ADGRL2: variants seen among roughly 807,000 people sequenced by gnomAD.
ADGRL2 encodes adhesion G protein-coupled receptor L2.
Under a neutral mutation model 157.4 loss-of-function variants are expected in ADGRL2, and 44 were observed. That is an observed-to-expected ratio of 0.28 (90% CI 0.22 to 0.36). ADGRL2 has a LOEUF of 0.36. ADGRL2 is among the 10% of genes least tolerant of loss of function. The pLI is 1.00. For synonymous variants in ADGRL2, 585 were observed against 624.7 expected (o/e 0.94, Z 0.95); for missense variants, 1,510 against 1,768.9 (o/e 0.85, Z 2.63).
At chr1:81,845,076 A>T (rs2092733177) in intron 2 of ADGRL2, among the ~76,000 whole-genome samples, 2 of 152,142 alleles carry the variant, frequency 1.3e-5, no homozygotes, top group Non-Finnish European at 2.9e-5. Context: ...ATAAAGCCAA[A>T]TTATGTATAA....
intron 2 of ADGRL2, among the ~76,000 whole-genome samples, chr1:81,892,344 T>C (rs890656217): frequency 6.6e-6 from 1 of 152,126 alleles, no homozygotes; most frequent in Non-Finnish European, 1.5e-5. Flanking sequence ...TAAATTAATA[T>C]CTTAGGGGGA....
At chr1:81,792,696 C>T (rs1299633471) in intron 2 of ADGRL2, among the ~76,000 whole-genome samples, 1 of 151,974 alleles carries the variant, frequency 6.6e-6, no homozygotes, top group Admixed American at 6.6e-5. Context: ...AACATATACA[C>T]ATATGCTTAT....
At chr1:81,371,203 C>G (rs983103258) in intron 1 of ADGRL2, among the ~76,000 whole-genome samples, 1 of 152,176 alleles carries the variant, frequency 6.6e-6, no homozygotes, top group African/African-American at 2.4e-5. Context: ...CCTCACCCTT[C>G]TTATGCCTGT....
chr1:81,785,940 C>T (rs973965371), intron 2 of ADGRL2, among the ~76,000 whole-genome samples: 1 of 151,110 alleles, frequency 6.6e-6, no homozygotes, highest in African/African-American at 2.4e-5. Flanking sequence ...GACTCTGTCT[C>T]TACAGAAAAA....
intron 2 of ADGRL2, among the ~76,000 whole-genome samples, chr1:81,531,589 C>T (rs947408710): frequency 1.8e-4 from 28 of 152,164 alleles, no homozygotes; most frequent in African/African-American, 6.3e-4. Context: ...GTGACATTTA[C>T]TGCTGGGAAC....
At chr1:81,531,932 T>C (rs1437632682) in intron 2 of ADGRL2, among the ~76,000 whole-genome samples, 1 of 152,204 alleles carries the variant, frequency 6.6e-6, no homozygotes, top group East Asian at 1.9e-4. Context: ...ACTGGTCATA[T>C]ACTTAGGTCT....
intron 3 of ADGRL2, among the ~76,000 whole-genome samples, chr1:81,909,767 G>C (rs1045054439): frequency 2.0e-5 from 3 of 151,852 alleles, no homozygotes; most frequent in Non-Finnish European, 4.4e-5. Context: ...TTATAAGGAA[G>C]AGACCAGTTG....
At chr1:81,310,054 C>A (rs1428732903) in intron 1 of ADGRL2, among the ~76,000 whole-genome samples, 1 of 152,164 alleles carries the variant, frequency 6.6e-6, no homozygotes, top group Non-Finnish European at 1.5e-5. Context: ...CTTTTCCTTA[C>A]CTTTCACTGC....
At chr1:81,459,521 CAAT>C in intron 2 of ADGRL2, among the ~76,000 whole-genome samples, 1 of 152,162 alleles carries the variant, frequency 6.6e-6, no homozygotes, top group Non-Finnish European at 1.5e-5. Flanking sequence ...ATTTAAGGTG[CAAT>C]AATATTTCAT....
intron 1 of ADGRL2, among the ~76,000 whole-genome samples, chr1:81,343,632 G>C (rs1359106924): frequency 6.6e-6 from 1 of 152,048 alleles, no homozygotes; most frequent in Non-Finnish European, 1.5e-5. Context: ...TTTTGGTGAG[G>C]TTCCCTTCCA....
intron 1 of ADGRL2, among the ~76,000 whole-genome samples, chr1:81,815,979 G>T (rs1297198333): frequency 3.3e-5 from 5 of 151,646 alleles, no homozygotes; most frequent in African/African-American, 1.2e-4. Context: ...ATAAGTTTAA[G>T]AGTATTTCTA....
At chr1:81,871,650 CATT>C (rs2093697346) in intron 2 of ADGRL2, among the ~76,000 whole-genome samples, 1 of 152,154 alleles carries the variant, frequency 6.6e-6, no homozygotes, top group African/African-American at 2.4e-5. Flanking sequence ...GATGATATCT[CATT>C]GTGGTTTTGA....
intron 10 of ADGRL2, 123 bp from the exon 11 acceptor site, chr1:81,955,754 C>T: frequency 3.3e-6 from 2 of 599,636 alleles, no homozygotes; most frequent in Non-Finnish European, 5.8e-6. Context: ...GGTGTTCTTC[C>T]ATCTTGAAGT....
chr1:81,459,880 G>A (rs568600518), intron 2 of ADGRL2, among the ~76,000 whole-genome samples: 12 of 151,442 alleles, frequency 7.9e-5, no homozygotes, highest in Admixed American at 5.3e-4. Flanking sequence ...TGGATCATGT[G>A]GTGGCTCTAT....
intron 1 of ADGRL2, among the ~76,000 whole-genome samples, chr1:81,729,123 T>G (rs1157190223): frequency 6.7e-6 from 1 of 149,990 alleles, no homozygotes; most frequent in Non-Finnish European, 1.5e-5. Flanking sequence ...ATATAATAAT[T>G]TATTAATCTA....
At chr1:81,564,805 G>A (rs2080522268) in intron 2 of ADGRL2, among the ~76,000 whole-genome samples, 1 of 152,162 alleles carries the variant, frequency 6.6e-6, no homozygotes, top group African/African-American at 2.4e-5. Context: ...GTTCTCAGAG[G>A]ATATTGAGGA....
intron 1 of ADGRL2, among the ~76,000 whole-genome samples, chr1:81,355,742 T>G (rs1663236368): frequency 6.6e-6 from 1 of 152,164 alleles, no homozygotes; most frequent in Admixed American, 6.5e-5. Context: ...GCTTCTGAAT[T>G]CCCACAGGTG....
chr1:81,799,474 A>T (rs986090351), upstream of ADGRL2, among the ~76,000 whole-genome samples: 3 of 152,240 alleles, frequency 2.0e-5, no homozygotes, highest in African/African-American at 7.2e-5. Context: ...ATTTGGACAC[A>T]CGTACATTTA....
chr1:81,499,743 A>G (rs563118621), intron 2 of ADGRL2, among the ~76,000 whole-genome samples: 143 of 152,354 alleles, frequency 9.4e-4, no homozygotes, highest in African/African-American at 3.1e-3. Flanking sequence ...AAATACATGC[A>G]GAATTGGGTG....
Sources: allele counts gnomAD v4.1 joint callset (sites outside exome capture counted in the v4.1 genomes callset), GRCh38; gene constraint gnomAD v4.1.1; transcripts MANE v1.5; gene names NCBI Gene and HGNC (gene_info 2026-07-23, HGNC 2026-07-21).